Variants in NSD2 observed in about 807,000 individuals in gnomAD.
NSD2 encodes the protein nuclear receptor binding SET domain protein 2.
NSD2 carries 12 observed loss-of-function variants against 139.0 expected under a neutral mutation model. The observed-to-expected ratio is 0.09, with a 90% CI of 0.06 to 0.14. The LOEUF (loss-of-function observed/expected upper bound fraction) is 0.14, where lower values mean the gene tolerates loss of function less well. Among genes scored for constraint, NSD2 ranks in the 10% least tolerant of loss-of-function variants. The pLI is 1.00. For synonymous variants in NSD2, 669 were observed against 648.7 expected, an observed-to-expected ratio of 1.03 and a Z score of -0.48; for missense variants, 1,155 against 1,745.0, an observed-to-expected ratio of 0.66 and a Z score of 6.02.
intron 3 of NSD2, among the ~76,000 whole-genome samples, chr4:1,910,335 C>T (rs563405496): frequency 1.2e-4 from 18 of 152,148 alleles, no homozygotes; most frequent in African/African-American, 3.1e-4. Flanking sequence ...AAGTGATTCT[C>T]CTGCCGCAGC....
At chr4:1,925,437 C>G (rs1271238255) in intron 5 of NSD2, among the ~76,000 whole-genome samples, 2 of 92,580 alleles carry the variant, frequency 2.2e-5, no homozygotes, top group Admixed American at 3.3e-4. Flanking sequence ...TTTGCTTTGT[C>G]ACCCAGGCTG....
intron 1 of NSD2, among the ~76,000 whole-genome samples, chr4:1,882,122 G>A (rs1714749195): frequency 6.6e-6 from 1 of 152,238 alleles, no homozygotes; most frequent in Admixed American, 6.5e-5. Context: ...GGTTCCGGAA[G>A]AGTGTGTACA....
chr4:1,878,252 T>TATATATATA (rs869142339), intron 1 of NSD2, among the ~76,000 whole-genome samples: 15 of 27,578 alleles, frequency 5.4e-4, no homozygotes, highest in South Asian at 2.2e-3. Flanking sequence ...TATATATATA[T>TATATATATA]TTTTTTTTTT....
intron 17 of NSD2, among the ~76,000 whole-genome samples, chr4:1,960,422 G>C (rs1232160283): frequency 6.6e-6 from 1 of 152,164 alleles, no homozygotes; most frequent in Non-Finnish European, 1.5e-5. Context: ...GTCGTTGGTA[G>C]ACACCAGGAC....
chr4:1,905,086 C>T (rs544678772), intron 3 of NSD2, among the ~76,000 whole-genome samples: 13 of 151,962 alleles, frequency 8.6e-5, no homozygotes, highest in African/African-American at 2.7e-4. Flanking sequence ...GCCGAGATCG[C>T]GCCATTGCAC....
chr4:1,961,677 C>T (rs1725385354), intron 18 of NSD2, among the ~76,000 whole-genome samples: 1 of 152,186 alleles, frequency 6.6e-6, no homozygotes, highest in African/African-American at 2.4e-5. Context: ...TAAAAGTGGG[C>T]ATGGATAAAA....
chr4:1,972,675 G>GAGAT lies in NSD2; in HGVS notation c.3373-2187_3373-2184dup, dbSNP rs531619383. ...ATGGATTGAACAGCTAGGAGTGGGG[G>GAGAT]AGATGCATTTTATAATCTGTGTGGT... On this transcript the variant is annotated intron_variant, in intron 18 of 21. Coordinates refer to ENST00000508803, the MANE Select transcript of NSD2 (RefSeq NM_001042424.3). This position sits in a 1 kb window ranked among gnomAD's most constrained non-coding sequence, Gnocchi z 4.0. Among the ~76,000 whole-genome samples the GAGAT allele has an allele frequency of 1.6e-4, 24 of 152,346 alleles. No individual in the cohort carries two copies. The East Asian group carries it at 4.2e-3, about 27-fold the overall frequency.
chr4:1,906,230 G>A (rs1320944003), intron 3 of NSD2, among the ~76,000 whole-genome samples: 1 of 152,098 alleles, frequency 6.6e-6, no homozygotes, highest in Non-Finnish European at 1.5e-5. Flanking sequence ...TCCTATTAGG[G>A]CTTATTACTT....
intron 2 of NSD2, among the ~76,000 whole-genome samples, chr4:1,902,123 G>A (rs1017019005): frequency 6.6e-6 from 1 of 152,178 alleles, no homozygotes; most frequent in Non-Finnish European, 1.5e-5. Context: ...CCTTGAAATT[G>A]TTAAAATAAT....
At chr4:1,953,642 G>A in intron 12 of NSD2, 118 bp downstream of exon 12, 2 of 1,286,082 alleles carry the variant, frequency 1.6e-6, no homozygotes, top group Non-Finnish European at 2.1e-6. Flanking sequence ...ATTATCTTGA[G>A]TGACTAACTG....
chr4:1,959,465 C>T lies in NSD2; in HGVS notation c.2986-6C>T. The T allele has an allele frequency of 6.2e-7, 1 of 1,612,654 alleles. No homozygotes were observed. The highest frequency in any genetic ancestry group is 8.5e-7 in the Non-Finnish European group (1 of 1,179,148). On this transcript the variant is annotated splice_polypyrimidine_tract_variant and splice_region_variant and intron_variant, in intron 16 of 21. Transcript: ENST00000508803. ...TGGACCAAGACAGCTTACTCCTTCC[C>T]TGCAGGTGAATAAGCCTTACGGGAA...
intron 8 of NSD2, chr4:1,939,200 TTAAAA>T (rs905746598): frequency 1.3e-5 from 2 of 159,686 alleles, no homozygotes; most frequent in African/African-American, 4.9e-5. Flanking sequence ...TAAACAGACT[TTAAAA>T]AAAAAAAAAG....
At chr4:1,910,233 C>CT (rs3216203) in intron 3 of NSD2, among the ~76,000 whole-genome samples, 42 of 146,454 alleles carry the variant, frequency 2.9e-4, no homozygotes, top group South Asian at 8.6e-4. Context: ...TAGGCTCAAC[C>CT]TTTTTTTTTT....
At chr4:1,922,000 T>G (rs1720204820) in intron 5 of NSD2, among the ~76,000 whole-genome samples, 1 of 151,890 alleles carries the variant, frequency 6.6e-6, no homozygotes, top group African/African-American at 2.4e-5. Context: ...ATGAAAAAAT[T>G]AGCCAGGCGT....
At position 1,973,077 on chromosome 4, in the gene NSD2, C is replaced by T. The variant is rs1726666317; in HGVS notation, c.3373-1786C>T. ...ATGTTGGCCAGGCTGGTTTCGAACT[C>T]CTGGCCTCAAGTGATCCTTGGCCTC... is the stretch of plus-strand genomic sequence containing the variant. On this transcript the variant is annotated intron_variant, in intron 18 of 21. Coordinates refer to ENST00000508803, the MANE Select transcript of NSD2 (RefSeq NM_001042424.3). The surrounding 1 kb of genome is among the most constrained non-coding windows in gnomAD (Gnocchi z 5.5). Among the ~76,000 whole-genome samples, 1 of 152,172 alleles carries T rather than the reference C, an allele frequency of 6.6e-6. No individual in the cohort carries two copies. The highest frequency in any genetic ancestry group is 2.4e-5 in the African/African-American group (1 of 41,432).
At chr4:1,897,491 G>A (rs572056027) in intron 1 of NSD2, among the ~76,000 whole-genome samples, 262 of 150,766 alleles carry the variant, frequency 1.7e-3, no homozygotes, top group African/African-American at 6.2e-3. Flanking sequence ...CCTGTCTCAA[G>A]GGAAAAAAAA....
Position 1,979,092 on chromosome 4 carries a change from T to C in NSD2, c.*183T>C, listed in dbSNP as rs192992535. On this transcript the variant is annotated 3_prime_UTR_variant, in exon 22 of 22. Transcript: ENST00000508803. ...GCCATCCTCAGCAGCGTCCGCTGCG[T>C]CTGCACTGATGACCGTCTGAGCCCA... 6.1e-4 allele frequency: 403 copies of C among 655,696 alleles called. 6 individuals are homozygous for C. In the East Asian group the frequency reaches 0.012, roughly 19 times the overall value. The allele number at this position is 655,696 out of a possible 1,614,324, so 40.6% of individuals were successfully genotyped here.
intron 3 of NSD2, among the ~76,000 whole-genome samples, chr4:1,912,576 A>G (rs1445006389): frequency 1.3e-5 from 2 of 151,618 alleles, no homozygotes; most frequent in South Asian, 2.1e-4. Context: ...CATCCTTATT[A>G]TGAAGTTAGT....
chr4:1,886,563 G>T (rs938228069), intron 1 of NSD2, among the ~76,000 whole-genome samples: 1 of 152,122 alleles, frequency 6.6e-6, no homozygotes. Context: ...TGGGCGCGGT[G>T]ACTCACGCCT....
Sources: gnomAD v4.1 joint callset for allele counts (sites outside exome capture counted in the v4.1 genomes callset) on GRCh38, gnomAD v4.1.1 for gene constraint, Gnocchi (gnomAD v3.1) non-coding constraint, MANE v1.5 for transcripts, NCBI Gene and HGNC (gene_info 2026-07-23, HGNC 2026-07-21) for gene names.